Variants in KCNH5 observed in about 807,000 individuals in gnomAD.
KCNH5 encodes voltage-gated delayed rectifier potassium channel KCNH5.
KCNH5 carries 46 observed loss-of-function variants against 96.1 expected under a neutral mutation model. The observed-to-expected ratio is 0.48, with a 90% CI of 0.38 to 0.61. The LOEUF (loss-of-function observed/expected upper bound fraction) is 0.61, where lower values mean the gene tolerates loss of function less well. KCNH5 is among the 20% of genes least tolerant of loss of function. The pLI is 0.00. For missense variants in KCNH5, 907 were observed against 1,225.8 expected (o/e 0.74, Z 3.88); for synonymous variants, 439 against 449.8 (o/e 0.98, Z 0.30).
At chr14:62,983,998 A>C (rs1392493148) in intron 5 of KCNH5, among the ~76,000 whole-genome samples, 1 of 152,174 alleles carries the variant, frequency 6.6e-6, no homozygotes, top group East Asian at 1.9e-4. Context: ...AAATGGCAAC[A>C]ACAAAAAACA....
intron 8 of KCNH5, among the ~76,000 whole-genome samples, chr14:62,816,317 C>T (rs191579017): frequency 2.6e-5 from 4 of 151,656 alleles, no homozygotes; most frequent in Non-Finnish European, 5.9e-5. Flanking sequence ...CATATATCAG[C>T]GTGTATGTGT....
At chr14:62,919,889 GGA>G (rs1177315008) in intron 7 of KCNH5, among the ~76,000 whole-genome samples, 1 of 151,902 alleles carries the variant, frequency 6.6e-6, no homozygotes, top group Non-Finnish European at 1.5e-5. Context: ...AACCAAGCGG[GGA>G]GAGAGAGAGA....
At chr14:62,862,780 C>A (rs1159629927) in intron 7 of KCNH5, among the ~76,000 whole-genome samples, 1 of 152,116 alleles carries the variant, frequency 6.6e-6, no homozygotes, top group African/African-American at 2.4e-5. Flanking sequence ...GAACCTAGCT[C>A]CCAACTAATG....
intron 1 of KCNH5, among the ~76,000 whole-genome samples, chr14:63,044,034 C>T (rs1305034132): frequency 1.3e-5 from 2 of 152,094 alleles, no homozygotes; most frequent in African/African-American, 4.8e-5. Context: ...ATAAACAAGG[C>T]ACTATGGAAC....
chr14:62,735,666 T>C (rs1459602358), intron 10 of KCNH5, among the ~76,000 whole-genome samples: 1 of 152,186 alleles, frequency 6.6e-6, no homozygotes, highest in African/African-American at 2.4e-5. Flanking sequence ...CTGTTATGAA[T>C]CCTCCATAAC....
chr14:62,883,007 C>T (rs999308587), intron 7 of KCNH5, among the ~76,000 whole-genome samples: 4 of 152,144 alleles, frequency 2.6e-5, no homozygotes, highest in African/African-American at 9.6e-5. Context: ...TACGCTTCTA[C>T]AGTTAGATTT....
rs139149050 is a variant in KCNH5 at position 62,772,277 on chromosome 14, C to T, written c.2019+7451G>A. The stretch of plus-strand genomic sequence containing the variant: ...AGTACACATTTGGTGGTAAGCTTGT[C>T]AATATTTTTTGTAACTTCTAATATA... On this transcript the variant is annotated intron_variant, in intron 10 of 10. Transcript: ENST00000322893. 1.4e-3 allele frequency among the ~76,000 whole-genome samples: 209 copies of T among 151,806 alleles called. 1 individual carries two copies. The highest frequency in any genetic ancestry group is 2.4e-3 in the Non-Finnish European group (166 of 67,924).
At chr14:62,816,121 T>C (rs1201132982) in intron 8 of KCNH5, among the ~76,000 whole-genome samples, 1 of 151,924 alleles carries the variant, frequency 6.6e-6, no homozygotes, top group East Asian at 1.9e-4. Flanking sequence ...CAAGTATATA[T>C]AAAATAACAG....
intron 2 of KCNH5, among the ~76,000 whole-genome samples, chr14:63,014,114 A>G (rs1891280095): frequency 6.6e-6 from 1 of 152,166 alleles, no homozygotes; most frequent in African/African-American, 2.4e-5. Context: ...AATTGTTTAC[A>G]TTAAGAACAT....
chr14:62,810,120 A>G (rs1168497886), intron 8 of KCNH5, among the ~76,000 whole-genome samples: 1 of 152,128 alleles, frequency 6.6e-6, no homozygotes, highest in African/African-American at 2.4e-5. Flanking sequence ...ATACAGAACA[A>G]GCTTACTGAA....
intron 10 of KCNH5, among the ~76,000 whole-genome samples, chr14:62,739,690 A>G (rs1452654433): frequency 1.3e-5 from 2 of 152,122 alleles, no homozygotes; most frequent in Non-Finnish European, 2.9e-5. Flanking sequence ...ACAGACCAAA[A>G]CACTTGTACA....
chr14:62,940,911 C>G (rs117348990), intron 7 of KCNH5, among the ~76,000 whole-genome samples: 3,024 of 152,278 alleles, frequency 0.02, 59 homozygotes, highest in East Asian at 0.081. Context: ...GACAGATCCT[C>G]TTCTCACAAG....
intron 8 of KCNH5, among the ~76,000 whole-genome samples, chr14:62,808,310 A>G (rs557063925): frequency 1.9e-3 from 288 of 152,232 alleles, no homozygotes; most frequent in Non-Finnish European, 3.0e-3. Flanking sequence ...TATAAAAATT[A>G]ACTGTAAAAG....
At chr14:62,794,296 T>C (rs897818022) in intron 9 of KCNH5, among the ~76,000 whole-genome samples, 3 of 152,024 alleles carry the variant, frequency 2.0e-5, no homozygotes, top group African/African-American at 4.8e-5. Context: ...GTAAAGGTAA[T>C]ATAGGTACTC....
chr14:62,911,170 G>A (rs989477205), intron 7 of KCNH5, among the ~76,000 whole-genome samples: 8 of 151,906 alleles, frequency 5.3e-5, no homozygotes, highest in African/African-American at 1.9e-4. Flanking sequence ...AAGAATATAT[G>A]AATAAATGAA....
intron 7 of KCNH5, among the ~76,000 whole-genome samples, chr14:62,878,209 G>A (rs1397722394): frequency 1.3e-5 from 2 of 151,118 alleles, no homozygotes; most frequent in East Asian, 1.9e-4. Flanking sequence ...GATGGGGGGG[G>A]GGGCGGAGGG....
intron 7 of KCNH5, among the ~76,000 whole-genome samples, chr14:62,935,395 CA>C (rs1244402132): frequency 1.3e-4 from 19 of 151,900 alleles, no homozygotes; most frequent in Non-Finnish European, 2.5e-4. Context: ...GCAATAATTA[CA>C]TAAAGAAAGA....
chr14:62,792,290 A>T (rs1310804077), intron 9 of KCNH5, among the ~76,000 whole-genome samples: 1 of 151,622 alleles, frequency 6.6e-6, no homozygotes, highest in Admixed American at 6.6e-5. Context: ...AATAATTCTT[A>T]TCTATTAAAA....
rs149144448 is a variant in KCNH5 at position 62,878,358 on chromosome 14, T to G, written c.1370-28506A>C. Among the ~76,000 whole-genome samples the G allele has an allele frequency of 4.5e-3, 677 of 151,080 alleles. 3 individuals carry two copies. Among genetic ancestry groups the G allele is most frequent in the African/African-American group, 0.014 (560 of 41,270 alleles). On this transcript the variant is annotated intron_variant, in intron 7 of 10. Transcript: ENST00000322893. ...AACTTAAAGTATATTAATAATAAAA[T>G]AAAAAAAGAAAAAAAAGAAACCATA...
Sources: gnomAD v4.1 joint callset for allele counts (sites outside exome capture counted in the v4.1 genomes callset) on GRCh38, gnomAD v4.1.1 for gene constraint, MANE v1.5 for transcripts, NCBI Gene and HGNC (gene_info 2026-07-23, HGNC 2026-07-21) for gene names.